The following SDC3 variants were observed in gnomAD, a reference collection of about 807,000 sequenced individuals.
SDC3 encodes syndecan 3.
A neutral mutation model predicts 24.4 loss-of-function variants in SDC3; 13 were observed. That is an observed-to-expected ratio of 0.53 (90% CI 0.35 to 0.85). The LOEUF is 0.85. SDC3 is among the 40% of genes least tolerant of loss of function. The pLI, the probability that SDC3 is intolerant of heterozygous loss-of-function variation, is 0.01. For missense variants in SDC3, 571 were observed against 584.5 expected (o/e 0.98, Z 0.24); for synonymous variants, 295 against 260.9 (o/e 1.13, Z -1.26).
At chr1:30,899,467 C>T (rs1325295730) in intron 1 of SDC3, among the ~76,000 whole-genome samples, 4 of 152,142 alleles carry the variant, frequency 2.6e-5, no homozygotes, top group Non-Finnish European at 4.4e-5. Context: ...CTCCGCCTCC[C>T]GGGTTCAAGC....
intron 1 of SDC3, among the ~76,000 whole-genome samples, chr1:30,891,847 C>T (rs1196712986): frequency 2.5e-4 from 30 of 122,360 alleles, no homozygotes; most frequent in African/African-American, 5.0e-4. Context: ...AGTGAGACGC[C>T]GTCAAAAAAA....
intron 1 of SDC3, among the ~76,000 whole-genome samples, chr1:30,902,042 G>A (rs914485125): frequency 3.9e-5 from 6 of 152,104 alleles, no homozygotes; most frequent in Non-Finnish European, 8.8e-5. Context: ...CTACTCCTTC[G>A]ATGACTTCAA....
rs963370146 is a variant in SDC3, at chr1:30,871,529, G to A, written c.*1682C>T. 1.3e-5 allele frequency: 2 copies of A among 152,318 alleles called. No individual in the cohort carries two copies. Among genetic ancestry groups the A allele is most frequent in the African/African-American group, 4.8e-5 (2 of 41,454 alleles). The allele number at this position is 152,318 out of a possible 1,614,324, so 9.4% of individuals were successfully genotyped here. On this transcript the variant is annotated 3_prime_UTR_variant, in exon 5 of 5. Coordinates refer to ENST00000339394, the MANE Select transcript of SDC3 (RefSeq NM_014654.4). ...CCTCGGGGCCTGAGGGATCTGCAGG[G>A]GCTGCTTCCAGCCATGGCCCCTGAA...
chr1:30,874,168 T>TAAAAAA, intron 4 of SDC3, 129 bp downstream of exon 4: 3 of 724,242 alleles, frequency 4.1e-6, no homozygotes, highest in Non-Finnish European at 2.2e-6. Context: ...CAAGTTTCCT[T>TAAAAAA]CCTATCTGGC....
rs1010557998 is a variant in SDC3 at position 30,908,689 on chromosome 1, G to T, written c.-103C>A. The T allele has an allele frequency of 5.9e-6, 2 of 337,342 alleles. No individual in the cohort carries two copies. The highest frequency in any genetic ancestry group is 1.1e-4 in the South Asian group (1 of 8,950). 20.9% of individuals were successfully genotyped at this position (337,342 alleles called of 1,614,324 possible). ...TGGCGGCGGCGCGGCCCGGCGGCTG[G>T]ACCGACGCGCTCTAGGCTCGCGGGC... On this transcript the variant is annotated 5_prime_UTR_variant, in exon 1 of 5. Coordinates refer to ENST00000339394, the MANE Select transcript of SDC3 (RefSeq NM_014654.4).
chr1:30,894,208 AGTGT>A (rs60206143), intron 1 of SDC3, among the ~76,000 whole-genome samples: 14 of 143,760 alleles, frequency 9.7e-5, no homozygotes, highest in Admixed American at 6.9e-5. Context: ...TGTGCATGAG[AGTGT>A]GTGTGTGAGT....
chr1:30,884,288 A>G (rs2124322390), intron 1 of SDC3, among the ~76,000 whole-genome samples: 1 of 151,644 alleles, frequency 6.6e-6, no homozygotes, highest in East Asian at 2.0e-4. Flanking sequence ...CCCCCCAAGA[A>G]AAATCCACCA....
chr1:30,908,226 C>A (rs1251677474), intron 1 of SDC3, among the ~76,000 whole-genome samples: 3 of 149,902 alleles, frequency 2.0e-5, no homozygotes, highest in Non-Finnish European at 4.5e-5. Flanking sequence ...GCGGCCTCTC[C>A]CCGCGGATGC....
At position 30,877,034 on chromosome 1, in the gene SDC3, G is replaced by T. The variant is rs377201191; in HGVS notation, c.388C>A (p.Pro130Thr). The change falls in exon 3 of 5, where the codon CCC becomes ACC. Residue 130 changes from proline (P) to threonine (T), a missense_variant. Pro to Thr is a conservative substitution (Grantham distance 38). Transcript: ENST00000339394. ...GGCTCCAGGGTGGGGCGCTCAGAGG[G>T]GAGCTCTTCAAATGGTGTGCCCACA... ...QPVGTPFEEL[P>T]SERPTLEPAT... 2 of 1,613,812 alleles carry T rather than the reference G, an allele frequency of 1.2e-6. No homozygotes were observed. Among genetic ancestry groups the T allele is most frequent in the Non-Finnish European group, 1.7e-6 (2 of 1,180,000 alleles).
At chr1:30,900,089 G>A (rs921746367) in intron 1 of SDC3, among the ~76,000 whole-genome samples, 4 of 152,106 alleles carry the variant, frequency 2.6e-5, no homozygotes, top group African/African-American at 9.7e-5. Flanking sequence ...GCTCTTGAAC[G>A]AGCATCTCCA....
chr1:30,878,705 G>A lies in SDC3; in HGVS notation c.174C>T (p.Pro58=), dbSNP rs766024876. Residue 58 remains proline, a synonymous_variant, in exon 2 of 5, where the codon CCC becomes CCT. Coordinates refer to ENST00000339394, the MANE Select transcript of SDC3 (RefSeq NM_014654.4). ...QRWRSENFER[P]VDLEGSGDDD... ...CATCCCCAGAGCCCTCCAGGTCCAC[G>A]GGTCTCTCGAAGTTCTCACTGCGCC... is the stretch of plus-strand genomic sequence containing the variant. 61 of 1,614,052 alleles carry A rather than the reference G, an allele frequency of 3.8e-5. No homozygotes were observed. The highest frequency in any genetic ancestry group is 1.6e-4 in the Middle Eastern group (1 of 6,084).
intron 1 of SDC3, among the ~76,000 whole-genome samples, chr1:30,881,027 GCA>G (rs146814082): frequency 0.037 from 4,971 of 133,892 alleles, 287 homozygotes; most frequent in African/African-American, 0.12. Context: ...GCGCACGCAT[GCA>G]CACACACACA....
chr1:30,887,630 AT>A (rs1355537244), intron 1 of SDC3, among the ~76,000 whole-genome samples: 1 of 152,132 alleles, frequency 6.6e-6, no homozygotes, highest in East Asian at 1.9e-4. Context: ...TGGCTGGTTT[AT>A]TTCCGGGCTT....
chr1:30,906,335 C>A (rs1049617436), intron 1 of SDC3, among the ~76,000 whole-genome samples: 4 of 152,156 alleles, frequency 2.6e-5, no homozygotes, highest in African/African-American at 9.7e-5. Context: ...CCCCACCCAC[C>A]ATTTCAGCCT....
chr1:30,899,346 A>C (rs765889228), intron 1 of SDC3, among the ~76,000 whole-genome samples: 2 of 151,692 alleles, frequency 1.3e-5, no homozygotes, highest in Admixed American at 1.3e-4. Context: ...CGGCCTCCCA[A>C]AGTGTTGGGA....
chr1:30,882,461 G>A (rs964827902), intron 1 of SDC3, among the ~76,000 whole-genome samples: 4 of 152,122 alleles, frequency 2.6e-5, no homozygotes, highest in Admixed American at 6.5e-5. Context: ...CACTCCCACC[G>A]ATCCTCTCCT....
rs1206892117 is a variant in SDC3, at chr1:30,894,482, T to A, written c.138+13967A>T. Among the ~76,000 whole-genome samples the A allele has an allele frequency of 3.2e-4, 3 of 9,312 alleles. 1 individual carries two copies. Among genetic ancestry groups the A allele is most frequent in the Non-Finnish European group, 4.8e-4 (3 of 6,230 alleles). 6.1% of individuals were successfully genotyped at this position (9,312 alleles called of 152,430 possible). A position where few individuals can be genotyped will look rare whatever the true frequency, so the allele number is the denominator to read the frequency against. ...GGGTGGATGAGTGTGTGGGGGGGTG[T>A]GGATGAATGTGGGGGGTGAGTATGA... On this transcript the variant is annotated intron_variant, in intron 1 of 4. Transcript: ENST00000339394.
chr1:30,905,810 C>T (rs2124347520), intron 1 of SDC3, among the ~76,000 whole-genome samples: 1 of 152,232 alleles, frequency 6.6e-6, no homozygotes, highest in East Asian at 1.9e-4. Flanking sequence ...GTCCTGGTAA[C>T]TTGGTCTGTC....
At chr1:30,895,867 G>A (rs1290495226) in intron 1 of SDC3, among the ~76,000 whole-genome samples, 3 of 151,116 alleles carry the variant, frequency 2.0e-5, no homozygotes, top group Non-Finnish European at 3.0e-5. Context: ...GGTGGGAGGA[G>A]GGAGGGAGGG....
Sources: allele counts gnomAD v4.1 joint callset (sites outside exome capture counted in the v4.1 genomes callset), GRCh38; gene constraint gnomAD v4.1.1; transcripts MANE v1.5; gene names NCBI Gene and HGNC (gene_info 2026-07-23, HGNC 2026-07-21).